TMEM17: variants seen among roughly 807,000 people sequenced by gnomAD.
TMEM17 encodes the protein transmembrane protein 17.
TMEM17 carries 15 observed loss-of-function variants against 19.1 expected under a neutral mutation model. The ratio of observed to expected loss-of-function variants is 0.78; its 90% CI spans 0.52 to 1.21. The LOEUF is 1.21. TMEM17 is among the 50% of genes most tolerant of loss of function. TMEM17 has a pLI of 0.00. For missense variants in TMEM17, 245 were observed against 242.3 expected (o/e 1.01, Z -0.07); for synonymous variants, 103 against 86.9 (o/e 1.19, Z -1.03).
the TMEM17 span, among the ~76,000 whole-genome samples, chr2:62,484,979 C>A: frequency 1.3e-5 from 2 of 152,300 alleles, no homozygotes; most frequent in Non-Finnish European, 2.9e-5. Flanking sequence ...CACCTGTCAC[C>A]CAGGCTGGAG....
the TMEM17 span, among the ~76,000 whole-genome samples, chr2:62,492,588 A>G: frequency 2.6e-5 from 4 of 152,272 alleles, no homozygotes; most frequent in African/African-American, 9.6e-5. Context: ...GCTGCTATGT[A>G]TTAAGAACAG....
the TMEM17 span, among the ~76,000 whole-genome samples, chr2:62,488,789 C>T: frequency 9.0e-5 from 9 of 100,206 alleles, no homozygotes; most frequent in East Asian, 2.7e-3. Flanking sequence ...CTGTTTTATT[C>T]TACTTTTTTT....
the TMEM17 span, among the ~76,000 whole-genome samples, chr2:62,466,565 G>C: frequency 6.6e-6 from 1 of 152,172 alleles, no homozygotes; most frequent in African/African-American, 2.4e-5. Context: ...GGGGGAGAGG[G>C]ACTGGTCCTG....
the TMEM17 span, among the ~76,000 whole-genome samples, chr2:62,482,407 G>A: frequency 2.0e-5 from 3 of 152,206 alleles, no homozygotes; most frequent in Non-Finnish European, 2.9e-5. Flanking sequence ...CTGTTTGACA[G>A]GTGAGGAAAT....
chr2:62,475,621 C>G, the TMEM17 span, among the ~76,000 whole-genome samples: 2 of 152,222 alleles, frequency 1.3e-5, no homozygotes, highest in Non-Finnish European at 2.9e-5. Context: ...CCAGAGCTCA[C>G]GTTTCCTTTC....
chr2:62,493,848 G>A, the TMEM17 span, among the ~76,000 whole-genome samples: 1 of 152,044 alleles, frequency 6.6e-6, no homozygotes, highest in Non-Finnish European at 1.5e-5. Context: ...GATAACTTCC[G>A]ACGCCAGTCT....
At chr2:62,505,107 T>C (rs547007491) in intron 1 of TMEM17, among the ~76,000 whole-genome samples, 3 of 152,160 alleles carry the variant, frequency 2.0e-5, no homozygotes, top group Non-Finnish European at 4.4e-5. Flanking sequence ...GGTGACAAAA[T>C]GCAGCTTTGG....
At chr2:62,484,723 G>C in the TMEM17 span, among the ~76,000 whole-genome samples, 6 of 152,028 alleles carry the variant, frequency 3.9e-5, no homozygotes, top group Admixed American at 3.3e-4. Flanking sequence ...GCTTCTATTT[G>C]AGGGTTTTGA....
At chr2:62,483,712 G>C in the TMEM17 span, among the ~76,000 whole-genome samples, 2 of 150,686 alleles carry the variant, frequency 1.3e-5, no homozygotes, top group African/African-American at 4.9e-5. Context: ...TAATTTTCCT[G>C]CCTCAGCCTC....
the TMEM17 span, among the ~76,000 whole-genome samples, chr2:62,477,075 G>A: frequency 1.3e-5 from 2 of 152,118 alleles, no homozygotes; most frequent in African/African-American, 4.8e-5. Flanking sequence ...GGCCATTGCC[G>A]AGCAACTGCA....
the TMEM17 span, among the ~76,000 whole-genome samples, chr2:62,472,050 G>C: frequency 6.6e-6 from 1 of 152,224 alleles, no homozygotes; most frequent in Non-Finnish European, 1.5e-5. Context: ...CCTTGGCGGG[G>C]TTTCAGCCTC....
chr2:62,467,159 A>T, the TMEM17 span, among the ~76,000 whole-genome samples: 2 of 151,866 alleles, frequency 1.3e-5, no homozygotes, highest in South Asian at 4.2e-4. Context: ...CCATTTAAAC[A>T]ATTTCAACAC....
the TMEM17 span, among the ~76,000 whole-genome samples, chr2:62,461,383 A>AG: frequency 3.3e-5 from 5 of 152,272 alleles, no homozygotes; most frequent in South Asian, 1.0e-3. Context: ...CAGTCCCCCC[A>AG]GTCTTGACTG....
chr2:62,481,568 T>C, the TMEM17 span, among the ~76,000 whole-genome samples: 1 of 152,138 alleles, frequency 6.6e-6, no homozygotes, highest in Admixed American at 6.6e-5. Flanking sequence ...AGCTGTGGGT[T>C]TGTCACACAT....
chr2:62,486,231 C>T, the TMEM17 span, among the ~76,000 whole-genome samples: 3,298 of 152,202 alleles, frequency 0.022, 124 homozygotes, highest in African/African-American at 0.075. Context: ...GCAGGATTTT[C>T]ATTCTAATGA....
chr2:62,495,248 T>C (rs1679752277), downstream of TMEM17, among the ~76,000 whole-genome samples: 1 of 152,248 alleles, frequency 6.6e-6, no homozygotes, highest in Non-Finnish European at 1.5e-5. Flanking sequence ...ACGATTTGTA[T>C]CTTGTTTTCA....
the TMEM17 span, among the ~76,000 whole-genome samples, chr2:62,468,662 A>C: frequency 6.6e-6 from 1 of 152,334 alleles, no homozygotes; most frequent in South Asian, 2.1e-4. Context: ...CAAAGAGTAA[A>C]GTCCCAGACT....
chr2:62,457,776 AC>A, the TMEM17 span, among the ~76,000 whole-genome samples: 1 of 152,050 alleles, frequency 6.6e-6, no homozygotes, highest in African/African-American at 2.4e-5. This position sits in a 1 kb window ranked among gnomAD's most constrained non-coding sequence, Gnocchi z 4.2. Flanking sequence ...GTGCGCTCTC[AC>A]TTTTATCTGT....
chr2:62,484,727 GT>G, the TMEM17 span, among the ~76,000 whole-genome samples: 3 of 152,072 alleles, frequency 2.0e-5, no homozygotes, highest in African/African-American at 7.2e-5. Flanking sequence ...CTATTTGAGG[GT>G]TTTGATATGT....
Sources: gnomAD v4.1 joint callset for allele counts (sites outside exome capture counted in the v4.1 genomes callset) on GRCh38, gnomAD v4.1.1 for gene constraint, Gnocchi (gnomAD v3.1) non-coding constraint, MANE v1.5 for transcripts, NCBI Gene and HGNC (gene_info 2026-07-23, HGNC 2026-07-21) for gene names.